GRK3: variants seen among roughly 807,000 people sequenced by gnomAD.
GRK3 encodes the protein G protein-coupled receptor kinase 3, also known as adrenergic, beta, receptor kinase 2.
GRK3 carries 54 observed loss-of-function variants against 95.7 expected under a neutral mutation model. The ratio of observed to expected loss-of-function variants is 0.56; its 90% CI spans 0.45 to 0.71. The LOEUF is 0.71. Among genes scored for constraint, GRK3 ranks in the 30% least tolerant of loss-of-function variants. The pLI is 0.00. For synonymous variants in GRK3, 281 were observed against 290.8 expected, an observed-to-expected ratio of 0.97 and a Z score of 0.34; for missense variants, 649 against 851.2, an observed-to-expected ratio of 0.76 and a Z score of 2.96.
chr22:25,586,209 C>T (rs1002278734), intron 1 of GRK3, among the ~76,000 whole-genome samples: 5 of 152,258 alleles, frequency 3.3e-5, no homozygotes, highest in African/African-American at 9.6e-5. Flanking sequence ...GGATTGAGTA[C>T]TAGAATGATT....
chr22:25,612,034 CA>C (rs951075235), intron 2 of GRK3, among the ~76,000 whole-genome samples: 3 of 151,868 alleles, frequency 2.0e-5, no homozygotes, highest in African/African-American at 7.3e-5. Flanking sequence ...GTTTTCACCA[CA>C]TGGCCCAGGC....
At chr22:25,663,737 ATAT>A (rs752806311) in intron 5 of GRK3, 33 bp downstream of exon 5, 4 of 1,472,222 alleles carry the variant, frequency 2.7e-6, no homozygotes, top group African/African-American at 1.4e-5. Context: ...TAAATAGATA[ATAT>A]TTGCTTAACA....
chr22:25,648,092 G>C (rs377428311), intron 3 of GRK3: 85 of 559,978 alleles, frequency 1.5e-4, no homozygotes, highest in Admixed American at 2.1e-4. Context: ...CTCCAGCCTC[G>C]GCGACAAGAG....
chr22:25,714,600 T>G (rs1405853093), intron 18 of GRK3, 30 bp downstream of exon 18: 12 of 1,537,632 alleles, frequency 7.8e-6, no homozygotes, highest in Non-Finnish European at 1.0e-5. Flanking sequence ...TCAAAACATT[T>G]CTAATGCAGT....
At chr22:25,620,653 G>A (rs1403590336) in intron 2 of GRK3, among the ~76,000 whole-genome samples, 2 of 152,056 alleles carry the variant, frequency 1.3e-5, no homozygotes, top group African/African-American at 2.4e-5. Flanking sequence ...GGTTTTGGGC[G>A]ACAACTCTTT....
chr22:25,619,650 GTTTTTT>G (rs536273282), intron 2 of GRK3, among the ~76,000 whole-genome samples: 25 of 107,924 alleles, frequency 2.3e-4, no homozygotes, highest in African/African-American at 8.7e-4. Flanking sequence ...TACCTGGCTA[GTTTTTT>G]TTTTTTTTTT....
At chr22:25,592,348 T>G (rs557033159) in intron 1 of GRK3, among the ~76,000 whole-genome samples, 2 of 152,340 alleles carry the variant, frequency 1.3e-5, no homozygotes, top group South Asian at 2.1e-4. Flanking sequence ...TCTTGAGCTT[T>G]AAAGCGTCTT....
At chr22:25,632,033 A>C (rs191065653) in intron 2 of GRK3, among the ~76,000 whole-genome samples, 21 of 152,194 alleles carry the variant, frequency 1.4e-4, no homozygotes, top group African/African-American at 4.8e-4. Flanking sequence ...GCAGATTTCT[A>C]TGTGACTATA....
At chr22:25,716,451 A>G (rs1355030321) in intron 18 of GRK3, among the ~76,000 whole-genome samples, 6 of 152,210 alleles carry the variant, frequency 3.9e-5, no homozygotes, top group Non-Finnish European at 8.8e-5. Flanking sequence ...ATAGATCTTC[A>G]TAAGCATGTT....
At chr22:25,706,179 CT>C (rs1348009852) in intron 15 of GRK3, among the ~76,000 whole-genome samples, 2 of 152,184 alleles carry the variant, frequency 1.3e-5, no homozygotes, top group Non-Finnish European at 1.5e-5. Flanking sequence ...TGATTTCTTT[CT>C]AAAAATCTTT....
intron 2 of GRK3, among the ~76,000 whole-genome samples, chr22:25,611,021 C>T (rs531551114): frequency 8.5e-5 from 13 of 152,182 alleles, no homozygotes; most frequent in East Asian, 7.7e-4. Context: ...GCCACCACAC[C>T]CAGCTAATTT....
At chr22:25,604,531 A>T in intron 2 of GRK3, 78 bp downstream of exon 2, 1 of 937,520 alleles carries the variant, frequency 1.1e-6, no homozygotes, top group Non-Finnish European at 1.6e-6. Context: ...ATATGAATGC[A>T]CCCCCTAGTG....
intron 13 of GRK3, among the ~76,000 whole-genome samples, chr22:25,702,154 T>C (rs775194953): frequency 2.4e-4 from 37 of 151,964 alleles, no homozygotes; most frequent in Non-Finnish European, 4.1e-4. Context: ...CACTGCATGA[T>C]ATGGAAGGAA....
At chr22:25,589,625 CTT>C (rs1405356764) in intron 1 of GRK3, among the ~76,000 whole-genome samples, 1 of 152,076 alleles carries the variant, frequency 6.6e-6, no homozygotes, top group Non-Finnish European at 1.5e-5. Context: ...TGCTTTAAAA[CTT>C]TGTATAATGA....
intron 1 of GRK3, among the ~76,000 whole-genome samples, chr22:25,574,171 G>A (rs1931804835): frequency 6.6e-6 from 1 of 151,740 alleles, no homozygotes; most frequent in South Asian, 2.1e-4. Flanking sequence ...AATTTTTTTT[G>A]TATCTTTATT....
chr22:25,670,789 C>T (rs556318825), intron 6 of GRK3, among the ~76,000 whole-genome samples: 19 of 151,584 alleles, frequency 1.3e-4, no homozygotes, highest in African/African-American at 4.6e-4. Flanking sequence ...GAGGGTGGCT[C>T]ACGCCTGTAA....
chr22:25,680,003 C>T (rs2085062517), intron 9 of GRK3, among the ~76,000 whole-genome samples: 1 of 152,204 alleles, frequency 6.6e-6, no homozygotes, highest in Non-Finnish European at 1.5e-5. Context: ...TTCCCCAAAT[C>T]TCTAGACTTT....
chr22:25,638,798 G>A (rs150342457), intron 2 of GRK3, among the ~76,000 whole-genome samples: 3 of 152,260 alleles, frequency 2.0e-5, no homozygotes, highest in Non-Finnish European at 2.9e-5. Context: ...GGTATTGTCC[G>A]TCCTCCTCAG....
intron 1 of GRK3, among the ~76,000 whole-genome samples, chr22:25,573,332 G>A (rs2146312211): frequency 6.6e-6 from 1 of 152,308 alleles, no homozygotes; most frequent in South Asian, 2.1e-4. Context: ...TCTATTTCAA[G>A]TGTGTGATTG....
Sources: gnomAD v4.1 joint callset for allele counts (sites outside exome capture counted in the v4.1 genomes callset) on GRCh38, gnomAD v4.1.1 for gene constraint, MANE v1.5 for transcripts, NCBI Gene and HGNC (gene_info 2026-07-23, HGNC 2026-07-21) for gene names.